Variants in DLEU7 observed in about 807,000 individuals in gnomAD.
The protein encoded by DLEU7 is leukemia-associated protein 7.
DLEU7 carries 17 observed loss-of-function variants against 16.0 expected under a neutral mutation model. The observed-to-expected ratio is 1.06, with a 90% CI of 0.73 to 1.59. The LOEUF (loss-of-function observed/expected upper bound fraction) is 1.59, where lower values mean the gene tolerates loss of function less well. Ranked by LOEUF, DLEU7 falls within the 40% of genes most tolerant of loss-of-function variation. The pLI, the probability that DLEU7 is intolerant of heterozygous loss-of-function variation, is 0.00. For synonymous variants in DLEU7, 113 were observed against 139.8 expected (o/e 0.81, Z 1.35); for missense variants, 308 against 314.9 (o/e 0.98, Z 0.17).
intron 1 of DLEU7, among the ~76,000 whole-genome samples, chr13:50,754,707 T>A (rs1416704266): frequency 6.6e-6 from 1 of 152,224 alleles, no homozygotes; most frequent in African/African-American, 2.4e-5. Context: ...ACCATTGCAT[T>A]CATTGTGCTA....
chr13:50,760,326 T>G (rs966142183), intron 1 of DLEU7, among the ~76,000 whole-genome samples: 13 of 152,192 alleles, frequency 8.5e-5, no homozygotes, highest in African/African-American at 2.9e-4. Context: ...ATAAGTACTT[T>G]TAAGCACTTC....
At chr13:50,831,839 T>C (rs989688417) in intron 1 of DLEU7, among the ~76,000 whole-genome samples, 7 of 152,184 alleles carry the variant, frequency 4.6e-5, no homozygotes, top group Admixed American at 6.5e-5. Flanking sequence ...TGAAGCAGAA[T>C]TGATCGTGGT....
chr13:50,758,605 A>T lies in DLEU7; in HGVS notation c.460-45365T>A, dbSNP rs1049211650. Among the ~76,000 whole-genome samples, 5 of 152,120 alleles carry T rather than the reference A, an allele frequency of 3.3e-5. No individual in the cohort carries two copies. In the East Asian group the frequency reaches 7.7e-4, roughly 24 times the overall value. The stretch of plus-strand genomic sequence containing the variant: ...TCTCCACTGAAGACTCCACCGGGGG[A>T]AGTCAGCTCTAAGCCCACTTACCTG... On this transcript the variant is annotated intron_variant, in intron 1 of 1. Coordinates refer to the DLEU7 transcript ENST00000400393.
chr13:50,749,906 T>G (rs1462502288), intron 1 of DLEU7, among the ~76,000 whole-genome samples: 1 of 152,210 alleles, frequency 6.6e-6, no homozygotes, highest in Admixed American at 6.5e-5. Flanking sequence ...ACTCTGACTG[T>G]TCCTTTTGCC....
intron 1 of DLEU7, among the ~76,000 whole-genome samples, chr13:50,728,359 G>A (rs576413871): frequency 1.3e-5 from 2 of 152,310 alleles, no homozygotes; most frequent in Admixed American, 1.3e-4. Context: ...GTTAATAGGA[G>A]TTATGTGCAA....
intron 1 of DLEU7, among the ~76,000 whole-genome samples, chr13:50,825,759 A>G (rs946692753): frequency 1.3e-5 from 2 of 152,178 alleles, no homozygotes; most frequent in Admixed American, 1.3e-4. Flanking sequence ...TTAAATCTTC[A>G]TTCTCTTAGC....
At chr13:50,814,636 G>C (rs909908895) in intron 1 of DLEU7, among the ~76,000 whole-genome samples, 3 of 149,674 alleles carry the variant, frequency 2.0e-5, no homozygotes, top group Non-Finnish European at 4.5e-5. Context: ...TCTGTATCTT[G>C]ATTGTGGTGG....
rs1022619362 is a variant in DLEU7 at position 50,843,560 on chromosome 13, G to C, written c.87C>G (p.Gly29=). The part of the protein sequence containing the change: ...QTLQLLQQEW[G]WGDGPVAPGN... ...CGGGGGCGACTGGACCGTCCCCCCA[G>C]CCCCACTCCTGCTGCAGCAGCTGCA... The change falls in exon 1 of 2, where the codon GGC becomes GGG. Residue 29 remains glycine, a synonymous_variant. Transcript: ENST00000504404. The surrounding 1 kb of genome is among the most constrained non-coding windows in gnomAD (Gnocchi z 5.7). 7 of 1,487,030 alleles carry C rather than the reference G, an allele frequency of 4.7e-6. No homozygotes were observed. The highest frequency in any genetic ancestry group is 5.7e-5 in the East Asian group (2 of 34,826). The allele number at this position is 1,487,030 out of a possible 1,614,324, so 92.1% of individuals were successfully genotyped here. A position where few individuals can be genotyped will look rare whatever the true frequency, so the allele number is the denominator to read the frequency against.
At chr13:50,714,721 C>T (rs1055912191) in intron 1 of DLEU7, among the ~76,000 whole-genome samples, 2 of 152,112 alleles carry the variant, frequency 1.3e-5, no homozygotes, top group Non-Finnish European at 2.9e-5. Flanking sequence ...ATGTGTTTTC[C>T]CCTCATCTTA....
intron 1 of DLEU7, among the ~76,000 whole-genome samples, chr13:50,760,560 G>A (rs1259540422): frequency 6.6e-6 from 1 of 152,126 alleles, no homozygotes; most frequent in African/African-American, 2.4e-5. Flanking sequence ...TGAGGGTCTT[G>A]CTATGTTGAC....
rs150282494 is a variant in DLEU7, at chr13:50,762,431, C to T, written c.460-49191G>A. On this transcript the variant is annotated intron_variant, in intron 1 of 1. Transcript: ENST00000400393. ...TCTCAGAATCTAGACAGCTCATATCCCTGCTGTGCTCACGGAACAGGGTAA... is the reference window on the plus strand; with the variant it reads ...TCTCAGAATCTAGACAGCTCATATCTCTGCTGTGCTCACGGAACAGGGTAA... Among the ~76,000 whole-genome samples, 458 of 152,184 alleles carry T rather than the reference C, an allele frequency of 3.0e-3. 1 individual carries two copies. Among genetic ancestry groups the T allele is most frequent in the Non-Finnish European group, 4.4e-3 (298 of 68,002 alleles).
At chr13:50,777,000 T>C (rs1875520143) in intron 1 of DLEU7, among the ~76,000 whole-genome samples, 1 of 152,158 alleles carries the variant, frequency 6.6e-6, no homozygotes, top group Non-Finnish European at 1.5e-5. Context: ...TTGGGTGATA[T>C]TAGGCCACAT....
intron 1 of DLEU7, among the ~76,000 whole-genome samples, chr13:50,733,537 T>G (rs1873978247): frequency 1.3e-5 from 2 of 151,980 alleles, no homozygotes; most frequent in African/African-American, 2.4e-5. Flanking sequence ...ATGCAAGGGA[T>G]CTATCTCCCC....
chr13:50,789,153 C>T (rs142175983), intron 1 of DLEU7, among the ~76,000 whole-genome samples: 2 of 151,534 alleles, frequency 1.3e-5, no homozygotes, highest in Non-Finnish European at 2.9e-5. Context: ...TTTCGGAGCT[C>T]GGTGTGTGCG....
intron 1 of DLEU7, among the ~76,000 whole-genome samples, chr13:50,833,429 T>A (rs7997364): frequency 0.54 from 81,945 of 151,790 alleles, 22,219 homozygotes; most frequent in African/African-American, 0.57. Flanking sequence ...ATGAGTGAAC[T>A]CCCATTCACA....
chr13:50,789,919 C>CTCTT lies in DLEU7; in HGVS notation c.459+53265_459+53268dup, dbSNP rs67993003. Among the ~76,000 whole-genome samples, 471 of 144,298 alleles carry CTCTT rather than the reference C, an allele frequency of 3.3e-3. 6 individuals carry two copies. The highest frequency in any genetic ancestry group is 0.011 in the East Asian group (55 of 4,966). 94.7% of individuals were successfully genotyped at this position (144,298 alleles called of 152,430 possible). A position where few individuals can be genotyped will look rare whatever the true frequency, so the allele number is the denominator to read the frequency against. On this transcript the variant is annotated intron_variant, in intron 1 of 1. Coordinates refer to the DLEU7 transcript ENST00000400393. ...TTTGTTTCCCAGAGCCACCTTTTTTCTCTTTCTTTCTTTCTTTCTTTCTTT... is the reference window on the plus strand; with the variant it reads ...TTTGTTTCCCAGAGCCACCTTTTTTCTCTTTCTTTCTTTCTTTCTTTCTTTCTTT...
chr13:50,796,721 C>A (rs554759157), intron 1 of DLEU7, among the ~76,000 whole-genome samples: 1 of 152,044 alleles, frequency 6.6e-6, no homozygotes, highest in Non-Finnish European at 1.5e-5. Context: ...TACTTCCAGG[C>A]CTGCTTATGA....
In DLEU7 at chr13:50,779,386, G is replaced by A. The variant is rs139718841; in HGVS notation, c.459+63802C>T. On this transcript the variant is annotated intron_variant, in intron 1 of 1. Coordinates refer to the DLEU7 transcript ENST00000400393. ...TCTAGCTTAATTAGCAAGGGAATTCGTTATTATTATTATTCCTTGGGAGGC... is the reference window on the plus strand; with the variant it reads ...TCTAGCTTAATTAGCAAGGGAATTCATTATTATTATTATTCCTTGGGAGGC... 1.4e-3 allele frequency among the ~76,000 whole-genome samples: 216 copies of A among 152,220 alleles called. 1 individual carries two copies. Among genetic ancestry groups the A allele is most frequent in the African/African-American group, 4.0e-3 (165 of 41,558 alleles).
downstream of DLEU7, among the ~76,000 whole-genome samples, chr13:50,820,879 C>T (rs1373623774): frequency 2.6e-5 from 4 of 152,096 alleles, no homozygotes; most frequent in African/African-American, 7.2e-5. Context: ...ATCATTTCAA[C>T]ACGTAATCAG....
Sources: gnomAD v4.1 joint callset for allele counts (sites outside exome capture counted in the v4.1 genomes callset) on GRCh38, gnomAD v4.1.1 for gene constraint, Gnocchi (gnomAD v3.1) non-coding constraint, MANE v1.5 for transcripts, NCBI Gene and HGNC (gene_info 2026-07-23, HGNC 2026-07-21) for gene names.